Variants in PCYT1A observed in about 807,000 individuals in gnomAD.
PCYT1A encodes the protein phosphate cytidylyltransferase 1A, choline.
In PCYT1A, 25 loss-of-function variants were observed where a neutral mutation model predicts 43.7. The observed-to-expected ratio is 0.57, with a 90% confidence interval of 0.42 to 0.80. The LOEUF is 0.80. PCYT1A is among the 30% of genes least tolerant of loss of function. PCYT1A has a pLI of 0.00. For missense variants in PCYT1A, 421 were observed against 474.2 expected, an observed-to-expected ratio of 0.89 and a Z score of 1.04; for synonymous variants, 172 against 170.7, an observed-to-expected ratio of 1.01 and a Z score of -0.06.
At chr3:196,280,679 T>TCA (rs1266346074) in intron 1 of PCYT1A, among the ~76,000 whole-genome samples, 2 of 149,030 alleles carry the variant, frequency 1.3e-5, no homozygotes, top group East Asian at 4.2e-4. Flanking sequence ...TCTCCCTATA[T>TCA]ACACAGAGCT....
At position 196,237,114 on chromosome 3, in the gene PCYT1A, AAG is replaced by A. The variant is rs1724189543; in HGVS notation, c.*1572_*1573del. The A allele has an allele frequency of 6.6e-6, 1 of 152,238 alleles. No individual in the cohort carries two copies. Among genetic ancestry groups the A allele is most frequent in the Non-Finnish European group, 1.5e-5 (1 of 68,062 alleles). The allele number at this position is 152,238 out of a possible 1,614,324, so 9.4% of individuals were successfully genotyped here. A position where few individuals can be genotyped will look rare whatever the true frequency, so the allele number is the denominator to read the frequency against. On this transcript the variant is annotated 3_prime_UTR_variant, in exon 9 of 9. Transcript: ENST00000431016. ...CTCACAGTCCTAGCAGAGGCAAGGAAAGAGAAAATGTGGTTTTCTTAGCTGAA... is the reference window on the plus strand; with the variant it reads ...CTCACAGTCCTAGCAGAGGCAAGGAAAGAAAATGTGGTTTTCTTAGCTGAA...
In PCYT1A at chr3:196,277,481, G is replaced by T. The variant is rs548262905; in HGVS notation, c.-10-6940C>A. Among the ~76,000 whole-genome samples, 63 of 152,220 alleles carry T rather than the reference G, an allele frequency of 4.1e-4. No homozygotes were observed. The highest frequency in any genetic ancestry group is 1.5e-3 in the African/African-American group (61 of 41,522). On this transcript the variant is annotated intron_variant, in intron 1 of 8. Transcript: ENST00000431016. This position sits in a 1 kb window ranked among gnomAD's most constrained non-coding sequence, Gnocchi z 4.1. Reference sequence around the variant, plus strand: ...ACTTCTCAGGAGATGGAAAACATCTGGGTCACAGATATTCCATAATGATAA... The same window carrying T: ...ACTTCTCAGGAGATGGAAAACATCTTGGTCACAGATATTCCATAATGATAA...
At chr3:196,243,203 T>G (rs922613636) in intron 5 of PCYT1A, 1 of 154,084 alleles carries the variant, frequency 6.5e-6, no homozygotes, top group Admixed American at 6.4e-5. Context: ...TGGCGGGCGC[T>G]TGTAGTCCCA....
rs1725801374 is a variant in PCYT1A, at chr3:196,282,674, T to C, written c.-11+4941A>G. ...TATTTTATTTTTGCATATAAAAACA[T>C]ATTCCAAAAAGGAACTCTAAAAGCT... On this transcript the variant is annotated intron_variant, in intron 1 of 8. Coordinates refer to ENST00000431016, the MANE Select transcript of PCYT1A (RefSeq NM_001312673.2). The surrounding 1 kb of genome is among the most constrained non-coding windows in gnomAD (Gnocchi z 4.3). Among the ~76,000 whole-genome samples the C allele has an allele frequency of 6.6e-6, 1 of 152,138 alleles. No individual in the cohort carries two copies. Among genetic ancestry groups the C allele is most frequent in the Admixed American group, 6.6e-5 (1 of 15,246 alleles).
At position 196,247,106 on chromosome 3, in the gene PCYT1A, C is replaced by T. The variant is rs562180862; in HGVS notation, c.486+261G>A. Among the ~76,000 whole-genome samples, 4 of 152,262 alleles carry T rather than the reference C, an allele frequency of 2.6e-5. No individual in the cohort carries two copies. Among genetic ancestry groups the T allele is most frequent in the South Asian group, 2.1e-4 (1 of 4,822 alleles). On this transcript the variant is annotated intron_variant, in intron 5 of 8. Transcript: ENST00000431016. The surrounding 1 kb of genome is among the most constrained non-coding windows in gnomAD (Gnocchi z 4.8). ...TAGCCCTTGTTACTCATATGTAAAG[C>T]GGAAATGACAAACACACCACAGGAT...
intron 3 of PCYT1A, among the ~76,000 whole-genome samples, chr3:196,254,267 C>A (rs1724890014): frequency 6.6e-6 from 1 of 151,818 alleles, no homozygotes; most frequent in African/African-American, 2.4e-5. Flanking sequence ...ACCTTATGAT[C>A]CACCCACCTC....
intron 2 of PCYT1A, among the ~76,000 whole-genome samples, chr3:196,259,036 T>C (rs543217224): frequency 5.9e-5 from 9 of 152,168 alleles, no homozygotes; most frequent in Non-Finnish European, 8.8e-5. Context: ...GTTTTTGTGG[T>C]TTTTGTAAAG....
Position 196,247,436 on chromosome 3 carries a change from G to A in PCYT1A, c.417C>T (p.Cys139=), listed in dbSNP as rs1323399816. ...TCCTCACCACCTCATCCACGTAGCG[G>A]CAGTGCTGGACTGCGTCATAGCGCT... ...ENERYDAVQH[C]RYVDEVVRNA... is the part of the protein sequence containing the mutation. The change falls in exon 5 of 9, where the codon TGC becomes TGT. Residue 139 remains cysteine (C), a synonymous_variant. Transcript: ENST00000431016. This position sits in a 1 kb window ranked among gnomAD's most constrained non-coding sequence, Gnocchi z 4.8. 6.2e-7 allele frequency: 1 copy of A among 1,614,134 alleles called. No homozygotes were observed. Among genetic ancestry groups the A allele is most frequent in the Admixed American group, 1.7e-5 (1 of 60,032 alleles).
chr3:196,263,800 T>A (rs958464963), intron 2 of PCYT1A, among the ~76,000 whole-genome samples: 1 of 152,046 alleles, frequency 6.6e-6, no homozygotes, highest in Admixed American at 6.6e-5. Flanking sequence ...GCCCGGCTAA[T>A]TTTTGTGACT....
At chr3:196,276,014 G>GCT (rs1184058043) in intron 1 of PCYT1A, among the ~76,000 whole-genome samples, 2 of 150,132 alleles carry the variant, frequency 1.3e-5, no homozygotes, top group African/African-American at 4.9e-5. Flanking sequence ...GGAGAATGGT[G>GCT]TGAACCCGGG....
intron 2 of PCYT1A, among the ~76,000 whole-genome samples, chr3:196,267,072 G>A (rs1270832246): frequency 2.0e-5 from 3 of 151,960 alleles, no homozygotes; most frequent in Admixed American, 6.6e-5. Context: ...CCAGCTACCC[G>A]GGAGGGTGAG....
chr3:196,266,991 T>TG (rs1725293796), intron 2 of PCYT1A, among the ~76,000 whole-genome samples: 1 of 151,430 alleles, frequency 6.6e-6, no homozygotes, highest in African/African-American at 2.4e-5. Context: ...GCTAACATGG[T>TG]GAAACCCCGT....
Position 196,247,268 on chromosome 3 carries a change from G to A in PCYT1A, c.486+99C>T. ...TACGAAACTTACATAAGAGGTAGAA[G>A]TAAAACACGGCTAGTGGAAAACCAG... is the stretch of plus-strand genomic sequence containing the variant. On this transcript the variant is annotated intron_variant, in intron 5 of 8. Coordinates refer to ENST00000431016, the MANE Select transcript of PCYT1A (RefSeq NM_001312673.2). This position sits in a 1 kb window ranked among gnomAD's most constrained non-coding sequence, Gnocchi z 4.8. 1.6e-6 allele frequency: 2 copies of A among 1,256,304 alleles called. No homozygotes were observed. The highest frequency in any genetic ancestry group is 2.3e-5 in the East Asian group (1 of 43,140). 77.8% of individuals were successfully genotyped at this position (1,256,304 alleles called of 1,614,324 possible).
rs1289004627 is a variant in PCYT1A at position 196,235,084 on chromosome 3, T to C, written c.*3604A>G. 6.6e-6 allele frequency: 1 copy of C among 152,150 alleles called. No homozygotes were observed. The highest frequency in any genetic ancestry group is 6.5e-5 in the Admixed American group (1 of 15,274). The allele number at this position is 152,150 out of a possible 1,614,324, so 9.4% of individuals were successfully genotyped here. A position where few individuals can be genotyped will look rare whatever the true frequency, so the allele number is the denominator to read the frequency against. On this transcript the variant is annotated 3_prime_UTR_variant, in exon 9 of 9. Coordinates refer to ENST00000431016, the MANE Select transcript of PCYT1A (RefSeq NM_001312673.2). The surrounding 1 kb of genome is among the most constrained non-coding windows in gnomAD (Gnocchi z 4.3). ...ATTAAAGAAAAGCAGCAAAATATAA[T>C]TGATTTGGAAAGATTTTGGATAAGT...
intron 3 of PCYT1A, among the ~76,000 whole-genome samples, chr3:196,255,373 G>A (rs1423517014): frequency 6.6e-6 from 1 of 152,116 alleles, no homozygotes; most frequent in African/African-American, 2.4e-5. Context: ...TTACTGTAGG[G>A]GAAGCCTTCG....
At chr3:196,246,217 G>C (rs1238666011) in intron 5 of PCYT1A, among the ~76,000 whole-genome samples, 1 of 152,136 alleles carries the variant, frequency 6.6e-6, no homozygotes, top group African/African-American at 2.4e-5. Context: ...CCCACGTATT[G>C]CTTTAGAAGC....
At position 196,238,834 on chromosome 3, in the gene PCYT1A, G is replaced by A. The variant is rs748967839; in HGVS notation, c.958C>T (p.Pro320Ser). 7 of 1,564,094 alleles carry A rather than the reference G, an allele frequency of 4.5e-6. No homozygotes were observed. Among genetic ancestry groups the A allele is most frequent in the South Asian group, 3.6e-5 (3 of 83,828 alleles). The change falls in exon 9 of 9, where the codon CCC (proline) becomes TCC (serine). Residue 320 changes from proline (P) to serine (S), a missense_variant. Transcript: ENST00000431016. ...MLQAISPKQS[P>S]SSSPTRERSP... ...CGCTCGCGAGTAGGGCTGCTGCTGG[G>A]GCTCTGCTTCGGGCTGATGGCCTGC... is the stretch of plus-strand genomic sequence containing the variant.
intron 1 of PCYT1A, among the ~76,000 whole-genome samples, chr3:196,275,682 G>A (rs1421941828): frequency 1.3e-5 from 2 of 151,678 alleles, no homozygotes; most frequent in African/African-American, 2.4e-5. Flanking sequence ...GCAGTGAGCT[G>A]AGATCGCACC....
rs973896610 is a variant in PCYT1A at position 196,273,149 on chromosome 3, T to C, written c.-10-2608A>G. ...CAGGCGTACTACAAGCAGCTTCCAC[T>C]GCAGGCACTGGGGAACATGGTGCTG... On this transcript the variant is annotated intron_variant, in intron 1 of 8. Coordinates refer to ENST00000431016, the MANE Select transcript of PCYT1A (RefSeq NM_001312673.2). The surrounding 1 kb of genome is among the most constrained non-coding windows in gnomAD (Gnocchi z 4.1). Among the ~76,000 whole-genome samples the C allele has an allele frequency of 6.6e-6, 1 of 152,208 alleles. No individual in the cohort carries two copies. Among genetic ancestry groups the C allele is most frequent in the African/African-American group, 2.4e-5 (1 of 41,462 alleles).
Sources: gnomAD v4.1 joint callset for allele counts (sites outside exome capture counted in the v4.1 genomes callset) on GRCh38, gnomAD v4.1.1 for gene constraint, Gnocchi (gnomAD v3.1) non-coding constraint, MANE v1.5 for transcripts, NCBI Gene and HGNC (gene_info 2026-07-23, HGNC 2026-07-21) for gene names.